CD163L1: variants seen among roughly 807,000 people sequenced by gnomAD.
CD163L1 encodes CD163 molecule like 1.
Under a neutral mutation model 165.4 loss-of-function variants are expected in CD163L1, and 124 were observed. The observed-to-expected ratio is 0.75, with a 90% CI of 0.65 to 0.87. CD163L1 has a LOEUF of 0.87. CD163L1 is among the 40% of genes least tolerant of loss of function. The pLI, the probability that CD163L1 is intolerant of heterozygous loss-of-function variation, is 0.00. For missense variants in CD163L1, 1,525 were observed against 1,799.9 expected, an observed-to-expected ratio of 0.85 and a Z score of 2.76; for synonymous variants, 585 against 662.2, an observed-to-expected ratio of 0.88 and a Z score of 1.79.
At chr12:7,367,091 A>T (rs969378985) in intron 18 of CD163L1, 145 bp downstream of exon 18, 4 of 435,280 alleles carry the variant, frequency 9.2e-6, no homozygotes, top group Non-Finnish European at 1.7e-5. Context: ...ATTTTATTTT[A>T]TCTATTCCCC....
intron 2 of CD163L1, chr12:7,440,140 C>T (rs942221985): frequency 3.0e-6 from 2 of 671,980 alleles, no homozygotes; most frequent in Non-Finnish European, 5.2e-6. Context: ...GTGGCCACGT[C>T]CCGCTCAGGC....
At chr12:7,427,271 A>G (rs746192580) in intron 4 of CD163L1, among the ~76,000 whole-genome samples, 2 of 152,228 alleles carry the variant, frequency 1.3e-5, no homozygotes, top group African/African-American at 4.8e-5. Context: ...CATCAAATAT[A>G]TATTCACTTT....
the CD163L1 span, among the ~76,000 whole-genome samples, chr12:7,325,034 C>A: frequency 2.6e-5 from 4 of 152,310 alleles, no homozygotes; most frequent in South Asian, 8.3e-4. Flanking sequence ...ACCCTCCACC[C>A]CTTCAGGGAA....
intron 2 of CD163L1, among the ~76,000 whole-genome samples, chr12:7,437,094 G>C: frequency 6.9e-6 from 1 of 145,500 alleles, no homozygotes; most frequent in Non-Finnish European, 1.5e-5. Flanking sequence ...GTTTTTCTCT[G>C]GATGTTAATA....
chr12:7,394,834 CA>C lies in CD163L1; in HGVS notation c.2050+1260del, dbSNP rs1361705963. ...AAGACATCTATGCATCCAACAGACACATGAGAAAATGCTCATCATCACTGGC... is the reference window on the plus strand; with the variant it reads ...AAGACATCTATGCATCCAACAGACACTGAGAAAATGCTCATCATCACTGGC... On this transcript the variant is annotated intron_variant, in intron 8 of 19. Transcript: ENST00000313599. 1.7e-4 allele frequency among the ~76,000 whole-genome samples: 26 copies of C among 152,316 alleles called. No individual in the cohort carries two copies. In the Middle Eastern group the frequency reaches 0.01, roughly 60 times the overall value.
At chr12:7,327,030 A>G in the CD163L1 span, 1 of 1,612,726 alleles carries the variant, frequency 6.2e-7, no homozygotes. Context: ...CAACCCAGAG[A>G]AATTAACTCT....
chr12:7,343,056 C>T (rs945594006), downstream of CD163L1, among the ~76,000 whole-genome samples: 6 of 151,786 alleles, frequency 4.0e-5, no homozygotes, highest in African/African-American at 1.5e-4. Context: ...CAAGTGGAAA[C>T]CTCTAGTTAG....
intron 1 of CD163L1, among the ~76,000 whole-genome samples, chr12:7,442,209 T>G (rs1261063889): frequency 6.6e-6 from 1 of 152,198 alleles, no homozygotes; most frequent in Non-Finnish European, 1.5e-5. Context: ...AGAACTATCT[T>G]AAATAGTATT....
chr12:7,331,552 C>T, the CD163L1 span, among the ~76,000 whole-genome samples: 1 of 152,204 alleles, frequency 6.6e-6, no homozygotes, highest in East Asian at 1.9e-4. Context: ...CGGACTGACA[C>T]CTCACACGTC....
At chr12:7,409,134 A>G (rs1392057981) in intron 4 of CD163L1, among the ~76,000 whole-genome samples, 1 of 152,240 alleles carries the variant, frequency 6.6e-6, no homozygotes, top group Non-Finnish European at 1.5e-5. Context: ...TAAAAGAGAC[A>G]GTCAATAGAT....
At chr12:7,386,512 A>T (rs1390303732) in intron 8 of CD163L1, among the ~76,000 whole-genome samples, 1 of 151,908 alleles carries the variant, frequency 6.6e-6, no homozygotes, top group African/African-American at 2.4e-5. Flanking sequence ...AAAGGAAGCA[A>T]CAGAAAGAGA....
the CD163L1 span, among the ~76,000 whole-genome samples, chr12:7,325,202 T>A: frequency 8.3e-4 from 126 of 152,312 alleles, 2 homozygotes; most frequent in East Asian, 0.011. Flanking sequence ...TTGGTGTCAG[T>A]CCCACCAGAG....
chr12:7,348,779 A>G (rs1394801628), intron 4 of CD163L1, among the ~76,000 whole-genome samples: 2 of 151,704 alleles, frequency 1.3e-5, no homozygotes, highest in African/African-American at 2.4e-5. Flanking sequence ...GAAAGCTGGA[A>G]GGCCCTCACA....
At chr12:7,430,751 T>C (rs1288141719) in intron 4 of CD163L1, among the ~76,000 whole-genome samples, 1 of 152,104 alleles carries the variant, frequency 6.6e-6, no homozygotes, top group Non-Finnish European at 1.5e-5. Flanking sequence ...ATGATGTTAA[T>C]GGATAACCAA....
At chr12:7,419,320 A>G (rs1429148806) in intron 4 of CD163L1, among the ~76,000 whole-genome samples, 1 of 152,170 alleles carries the variant, frequency 6.6e-6, no homozygotes, top group Non-Finnish European at 1.5e-5. Context: ...CTTTGTGATT[A>G]AAACCATCAG....
chr12:7,359,226 G>A (rs546429459), intron 18 of CD163L1, among the ~76,000 whole-genome samples: 2 of 151,768 alleles, frequency 1.3e-5, no homozygotes, highest in South Asian at 2.1e-4. Context: ...AGAAACCAAA[G>A]CACTTATCCA....
intron 4 of CD163L1, among the ~76,000 whole-genome samples, chr12:7,429,990 C>T (rs555845033): frequency 2.0e-5 from 3 of 152,238 alleles, no homozygotes; most frequent in African/African-American, 7.2e-5. Context: ...ATAGCTACTC[C>T]AGTGTTTTCT....
intron 7 of CD163L1, 152 bp from the exon 8 acceptor site, chr12:7,396,567 T>C (rs1947781107): frequency 1.3e-6 from 1 of 755,606 alleles, no homozygotes; most frequent in African/African-American, 1.8e-5. Context: ...AACCTTTAAA[T>C]TAGCAGACTT....
At chr12:7,382,404 A>T (rs1947430422) in intron 8 of CD163L1, among the ~76,000 whole-genome samples, 1 of 152,192 alleles carries the variant, frequency 6.6e-6, no homozygotes, top group South Asian at 2.1e-4. Flanking sequence ...ATAGTGTCTA[A>T]GATAGAACAC....
Sources: allele counts gnomAD v4.1 joint callset (sites outside exome capture counted in the v4.1 genomes callset), GRCh38; gene constraint gnomAD v4.1.1; transcripts MANE v1.5; gene names NCBI Gene and HGNC (gene_info 2026-07-23, HGNC 2026-07-21).